Variants in CDKAL1 observed in about 807,000 individuals in gnomAD.
CDKAL1 encodes the protein threonylcarbamoyladenosine tRNA methylthiotransferase.
A neutral mutation model predicts 68.2 loss-of-function variants in CDKAL1; 32 were observed. The observed-to-expected ratio is 0.47, with a 90% CI of 0.35 to 0.63. The LOEUF (loss-of-function observed/expected upper bound fraction) is 0.63, where lower values mean the gene tolerates loss of function less well. Among genes scored for constraint, CDKAL1 ranks in the 30% least tolerant of loss-of-function variants. CDKAL1 has a pLI of 0.00. For synonymous variants in CDKAL1, 234 were observed against 244.3 expected (o/e 0.96, Z 0.39); for missense variants, 606 against 696.7 (o/e 0.87, Z 1.47).
chr6:21,166,554 A>C (rs1777162702), intron 13 of CDKAL1, among the ~76,000 whole-genome samples: 1 of 152,166 alleles, frequency 6.6e-6, no homozygotes. Flanking sequence ...TGCTTTAATA[A>C]CTTCTTGATA....
At chr6:21,141,288 T>C (rs1775896111) in intron 13 of CDKAL1, among the ~76,000 whole-genome samples, 1 of 152,214 alleles carries the variant, frequency 6.6e-6, no homozygotes, top group Non-Finnish European at 1.5e-5. Context: ...CAAATGTTTT[T>C]TAATCCTTCA....
At chr6:20,891,003 A>T (rs1387257913) in intron 9 of CDKAL1, among the ~76,000 whole-genome samples, 1 of 152,160 alleles carries the variant, frequency 6.6e-6, no homozygotes, top group Non-Finnish European at 1.5e-5. Flanking sequence ...CCTTTCACAG[A>T]TGAGAAAACA....
chr6:20,571,882 C>T (rs1431110705), intron 4 of CDKAL1, among the ~76,000 whole-genome samples: 1 of 151,994 alleles, frequency 6.6e-6, no homozygotes, highest in Non-Finnish European at 1.5e-5. Flanking sequence ...AGAAAAATGT[C>T]TTTGGTATAA....
Position 20,739,583 on chromosome 6 carries a change from C to G in CDKAL1, c.436C>G (p.Gln146Glu). Residue 146 changes from glutamine (Q) to glutamate (E), a missense_variant, in exon 6 of 16, where the codon CAG becomes GAG. By Grantham distance (29) the Gln-to-Glu change is conservative. Transcript: ENST00000274695. ...AGCVPQAQPR[Q>E]DYLKGLSIIG... ...ATGCGTTCCTCAAGCCCAGCCTCGC[C>G]AGGACTACCTTAAGGGACTGAGTAT... 1.2e-6 allele frequency: 2 copies of G among 1,612,570 alleles called. No homozygotes were observed. The highest frequency in any genetic ancestry group is 4.5e-5 in the East Asian group (2 of 44,870).
At chr6:20,732,441 A>ATTTTT (rs35633408) in intron 5 of CDKAL1, among the ~76,000 whole-genome samples, 1 of 119,048 alleles carries the variant, frequency 8.4e-6, no homozygotes. Flanking sequence ...ACACCTGGCT[A>ATTTTT]TTTTTTTTTT....
At chr6:21,011,383 C>CA (rs1300531820) in intron 11 of CDKAL1, among the ~76,000 whole-genome samples, 63 of 141,696 alleles carry the variant, frequency 4.4e-4, no homozygotes, top group African/African-American at 1.1e-3. Context: ...GACTCTGTCT[C>CA]AAAAAAAAAA....
At chr6:20,641,010 A>T (rs913656247) in intron 4 of CDKAL1, among the ~76,000 whole-genome samples, 4 of 152,182 alleles carry the variant, frequency 2.6e-5, no homozygotes, top group African/African-American at 7.2e-5. Context: ...TTTAAAAATA[A>T]TTTTTCTGTA....
At chr6:20,749,509 T>C (rs1188748045) in intron 6 of CDKAL1, among the ~76,000 whole-genome samples, 2 of 152,068 alleles carry the variant, frequency 1.3e-5, no homozygotes, top group Non-Finnish European at 2.9e-5. Context: ...AAAATTTTGC[T>C]CTCTACCTCC....
At chr6:20,666,013 A>G (rs2206739) in intron 5 of CDKAL1, among the ~76,000 whole-genome samples, 59,798 of 151,474 alleles carry the variant, frequency 0.39, 12,888 homozygotes, top group African/African-American at 0.58. Flanking sequence ...TAAAATTTCT[A>G]TATGGCCTGA....
At chr6:21,227,000 C>A (rs1041026713) in intron 15 of CDKAL1, among the ~76,000 whole-genome samples, 3 of 152,250 alleles carry the variant, frequency 2.0e-5, no homozygotes, top group African/African-American at 7.2e-5. Flanking sequence ...AGCCACCGCA[C>A]CCAGCCCCAG....
At chr6:21,000,817 T>A (rs1422513283) in intron 11 of CDKAL1, among the ~76,000 whole-genome samples, 1 of 152,240 alleles carries the variant, frequency 6.6e-6, no homozygotes, top group Non-Finnish European at 1.5e-5. Flanking sequence ...GGAATGTCTA[T>A]GCTTTTACAC....
intron 9 of CDKAL1, among the ~76,000 whole-genome samples, chr6:20,857,543 G>A (rs1759399783): frequency 6.6e-6 from 1 of 152,188 alleles, no homozygotes; most frequent in Non-Finnish European, 1.5e-5. Flanking sequence ...ACTTATTGAG[G>A]TATATGTTTG....
At chr6:20,901,452 A>T (rs1359603000) in intron 9 of CDKAL1, among the ~76,000 whole-genome samples, 1 of 151,778 alleles carries the variant, frequency 6.6e-6, no homozygotes, top group East Asian at 2.0e-4. Context: ...AGGCGGGCAG[A>T]TCACAAGGTC....
intron 13 of CDKAL1, among the ~76,000 whole-genome samples, chr6:21,110,272 C>A (rs190158505): frequency 6.6e-6 from 1 of 152,236 alleles, no homozygotes; most frequent in Admixed American, 6.5e-5. Flanking sequence ...TCCTTAGTAG[C>A]CTTTACCTAC....
At chr6:20,760,792 TA>T (rs948212624) in intron 7 of CDKAL1, among the ~76,000 whole-genome samples, 2 of 151,318 alleles carry the variant, frequency 1.3e-5, no homozygotes, top group Non-Finnish European at 2.9e-5. Context: ...AATAATTTTT[TA>T]AAAAAATTAA....
chr6:21,084,830 A>G (rs567940661), intron 12 of CDKAL1, among the ~76,000 whole-genome samples: 1 of 152,346 alleles, frequency 6.6e-6, no homozygotes, highest in East Asian at 1.9e-4. Context: ...ATGATGCAGT[A>G]GTTGATGGAT....
chr6:20,582,875 A>G (rs938565945), intron 4 of CDKAL1, among the ~76,000 whole-genome samples: 3 of 152,156 alleles, frequency 2.0e-5, no homozygotes, highest in African/African-American at 4.8e-5. Flanking sequence ...ACTGATTCAG[A>G]TGATTGTTTC....
intron 9 of CDKAL1, among the ~76,000 whole-genome samples, chr6:20,942,160 G>C (rs1764000620): frequency 6.6e-6 from 1 of 152,092 alleles, no homozygotes; most frequent in Admixed American, 6.5e-5. Context: ...TTGATTGATT[G>C]ATGGTTGCCC....
In CDKAL1 at chr6:20,603,751, T is replaced by C. The variant is rs370714810; in HGVS notation, c.287-45542T>C. 2.0e-5 allele frequency among the ~76,000 whole-genome samples: 3 copies of C among 148,656 alleles called. No homozygotes were observed. In the Admixed American group the frequency reaches 2.0e-4, roughly 10 times the overall value. On this transcript the variant is annotated intron_variant, in intron 4 of 15. Coordinates refer to ENST00000274695, the MANE Select transcript of CDKAL1 (RefSeq NM_017774.3). ...GCCAGGGACAAAGATCTACATTGAT[T>C]AATGGGCAGTTGCTAAATTTTTTTT...
Sources: gnomAD v4.1 joint callset for allele counts (sites outside exome capture counted in the v4.1 genomes callset) on GRCh38, gnomAD v4.1.1 for gene constraint, MANE v1.5 for transcripts, NCBI Gene and HGNC (gene_info 2026-07-23, HGNC 2026-07-21) for gene names.